The following NRXN3 variants were observed in gnomAD, a reference collection of about 807,000 sequenced individuals.
The protein encoded by NRXN3 is neurexin III.
In NRXN3, 32 loss-of-function variants were observed where a neutral mutation model predicts 137.6. That is an observed-to-expected ratio of 0.23 (90% CI 0.18 to 0.31). The LOEUF (loss-of-function observed/expected upper bound fraction) is 0.31, where lower values mean the gene tolerates loss of function less well. NRXN3 is among the 10% of genes least tolerant of loss of function. NRXN3 has a pLI of 1.00. For missense variants in NRXN3, 1,574 were observed against 2,062.5 expected (o/e 0.76, Z 4.59); for synonymous variants, 798 against 784.5 (o/e 1.02, Z -0.29).
At chr14:78,343,051 A>T (rs1463933182) in intron 4 of NRXN3, among the ~76,000 whole-genome samples, 1 of 152,158 alleles carries the variant, frequency 6.6e-6, no homozygotes, top group Non-Finnish European at 1.5e-5. Context: ...CTGTTAGAAA[A>T]GCAAATTTCT....
chr14:78,335,227 TG>T (rs2081319915), intron 4 of NRXN3, among the ~76,000 whole-genome samples: 1 of 152,260 alleles, frequency 6.6e-6, no homozygotes, highest in Admixed American at 6.5e-5. Context: ...TGGTGGGCAG[TG>T]GCTCCCTTGG....
chr14:78,794,937 CA>C (rs59817830), intron 8 of NRXN3, among the ~76,000 whole-genome samples: 1 of 142,486 alleles, frequency 7.0e-6, no homozygotes, highest in African/African-American at 2.7e-5. Context: ...AACAAACAAA[CA>C]AAAAAAAAAG....
At chr14:79,431,446 A>G (rs2095752784) in intron 15 of NRXN3, among the ~76,000 whole-genome samples, 1 of 152,220 alleles carries the variant, frequency 6.6e-6, no homozygotes, top group African/African-American at 2.4e-5. Context: ...TTAAGAGATT[A>G]GAGTACTACA....
At chr14:78,527,207 G>A (rs2096392988) in intron 4 of NRXN3, among the ~76,000 whole-genome samples, 1 of 152,120 alleles carries the variant, frequency 6.6e-6, no homozygotes, top group African/African-American at 2.4e-5. Context: ...AATTTATAAA[G>A]AAAGGAGGTT....
At chr14:78,624,829 GTGTTTGTT>G (rs1555404275) in intron 4 of NRXN3, among the ~76,000 whole-genome samples, 11 of 147,094 alleles carry the variant, frequency 7.5e-5, no homozygotes, top group African/African-American at 2.1e-4. Context: ...GTGTGTGTGT[GTGTTTGTT>G]TGTTTGTTTG....
At chr14:78,737,038 C>T (rs984945741) in intron 8 of NRXN3, among the ~76,000 whole-genome samples, 3 of 152,132 alleles carry the variant, frequency 2.0e-5, no homozygotes, top group Non-Finnish European at 4.4e-5. Context: ...TCATTCTTCC[C>T]TTTCCCCTTC....
At chr14:79,581,709 C>T (rs1342934790) in intron 16 of NRXN3, among the ~76,000 whole-genome samples, 1 of 152,150 alleles carries the variant, frequency 6.6e-6, no homozygotes, top group East Asian at 1.9e-4. Flanking sequence ...AATGACTGAG[C>T]TTTTCATTTA....
chr14:78,373,291 A>G (rs1031209943), intron 4 of NRXN3, among the ~76,000 whole-genome samples: 10 of 152,122 alleles, frequency 6.6e-5, no homozygotes, highest in African/African-American at 1.2e-4. Flanking sequence ...TGTCGTTTAG[A>G]GTGTGGCAAC....
intron 10 of NRXN3, among the ~76,000 whole-genome samples, chr14:78,857,002 G>A (rs1471396830): frequency 6.6e-6 from 1 of 152,124 alleles, no homozygotes; most frequent in Non-Finnish European, 1.5e-5. Flanking sequence ...CAAAGTGCTG[G>A]GATTACAGGC....
chr14:78,754,824 T>G (rs2098660184), intron 8 of NRXN3, among the ~76,000 whole-genome samples: 1 of 149,792 alleles, frequency 6.7e-6, no homozygotes, highest in Non-Finnish European at 1.5e-5. Context: ...TAACCACCAT[T>G]TCAGTATACA....
In NRXN3 at chr14:79,865,362, A is replaced by G. The variant is rs979673518; in HGVS notation, c.*3398A>G. ...CTCTCAGCACACACTTACTTGGCCAATTGGATAATCCATCTACCCTTTGTT... is the reference window on the plus strand; with the variant it reads ...CTCTCAGCACACACTTACTTGGCCAGTTGGATAATCCATCTACCCTTTGTT... On this transcript the variant is annotated 3_prime_UTR_variant, in exon 21 of 21. Transcript: ENST00000335750. The G allele has an allele frequency of 2.0e-5, 3 of 152,206 alleles. No homozygotes were observed. Among genetic ancestry groups the G allele is most frequent in the African/African-American group, 4.8e-5 (2 of 41,454 alleles). The allele number at this position is 152,206 out of a possible 1,614,324, so 9.4% of individuals were successfully genotyped here.
intron 10 of NRXN3, among the ~76,000 whole-genome samples, chr14:78,848,702 C>T (rs1429910163): frequency 6.6e-6 from 1 of 152,132 alleles, no homozygotes; most frequent in Non-Finnish European, 1.5e-5. Flanking sequence ...CTGATAGCAA[C>T]TTAAGTTGTC....
chr14:79,775,640 T>G (rs2099094615), intron 19 of NRXN3, among the ~76,000 whole-genome samples: 1 of 151,338 alleles, frequency 6.6e-6, no homozygotes, highest in African/African-American at 2.4e-5. Context: ...GAGGTAGAGT[T>G]CTAGATGCCC....
chr14:78,423,494 G>A (rs1037928783), intron 4 of NRXN3, among the ~76,000 whole-genome samples: 2 of 152,134 alleles, frequency 1.3e-5, no homozygotes, highest in Admixed American at 6.5e-5. Context: ...TTGGAATGAC[G>A]GCGCCTCATC....
intron 20 of NRXN3, among the ~76,000 whole-genome samples, chr14:79,806,954 ATATATATATTT>A (rs2099208771): frequency 1.7e-5 from 1 of 60,552 alleles, no homozygotes; most frequent in African/African-American, 7.5e-5. Flanking sequence ...ATATATATAT[ATATATATATTT>A]TTTTTTTTTT....
At chr14:79,650,549 C>A (rs1408432596) in intron 16 of NRXN3, among the ~76,000 whole-genome samples, 3 of 152,086 alleles carry the variant, frequency 2.0e-5, no homozygotes, top group South Asian at 2.1e-4. Context: ...AGTAAGTGAA[C>A]AACTAGAATT....
intron 15 of NRXN3, among the ~76,000 whole-genome samples, chr14:79,374,278 C>T (rs994730937): frequency 3.3e-5 from 5 of 151,994 alleles, no homozygotes; most frequent in Non-Finnish European, 7.4e-5. Flanking sequence ...CCAAAGGGAC[C>T]CCAGAAAAGA....
intron 15 of NRXN3, among the ~76,000 whole-genome samples, chr14:79,242,181 G>A (rs372660380): frequency 1.3e-5 from 2 of 152,272 alleles, no homozygotes; most frequent in East Asian, 3.9e-4. Context: ...CGTGTATAAG[G>A]TAACACAGCC....
chr14:78,625,323 C>T (rs184598097), intron 4 of NRXN3, among the ~76,000 whole-genome samples: 1 of 152,352 alleles, frequency 6.6e-6, no homozygotes, highest in African/African-American at 2.4e-5. Flanking sequence ...ACTTGCTTCT[C>T]TCCCAACTCA....
Sources: gnomAD v4.1 joint callset for allele counts (sites outside exome capture counted in the v4.1 genomes callset) on GRCh38, gnomAD v4.1.1 for gene constraint, MANE v1.5 for transcripts, NCBI Gene and HGNC (gene_info 2026-07-23, HGNC 2026-07-21) for gene names.